The following SERGEF variants were observed in gnomAD, a reference collection of about 807,000 sequenced individuals.
The protein encoded by SERGEF is secretion regulating guanine nucleotide exchange factor, also known as secretion-regulating guanine nucleotide exchange factor.
A neutral mutation model predicts 50.0 loss-of-function variants in SERGEF; 51 were observed. The ratio of observed to expected loss-of-function variants is 1.02; its 90% CI spans 0.81 to 1.29. The LOEUF (loss-of-function observed/expected upper bound fraction) is 1.29. SERGEF is among the 50% of genes most tolerant of loss of function. SERGEF has a pLI of 0.00. For missense variants in SERGEF, 521 were observed against 557.0 expected (o/e 0.94, Z 0.65); for synonymous variants, 205 against 212.4 (o/e 0.97, Z 0.30).
At chr11:17,911,758 G>A (rs1014948013) in intron 9 of SERGEF, among the ~76,000 whole-genome samples, 2 of 152,078 alleles carry the variant, frequency 1.3e-5, no homozygotes, top group African/African-American at 4.8e-5. Flanking sequence ...AAAGTGCTGA[G>A]ATTATAGGCA....
rs139780261 is a variant in SERGEF at position 17,817,331 on chromosome 11, C to G, written c.1049-28918G>C. Among the ~76,000 whole-genome samples, 1,051 of 151,982 alleles carry G rather than the reference C, an allele frequency of 6.9e-3. 13 individuals carry two copies. Among genetic ancestry groups the G allele is most frequent in the African/African-American group, 0.024 (1,004 of 41,428 alleles). ...CCGGGTTCATGCCATTCTCCTGCCT[C>G]AGCCTCCCAAATAGCTGAGATTACA... On this transcript the variant is annotated intron_variant, in intron 10 of 10. Coordinates refer to ENST00000265965, the MANE Select transcript of SERGEF (RefSeq NM_012139.4).
intron 10 of SERGEF, among the ~76,000 whole-genome samples, chr11:17,798,671 ACTGT>A (rs1234567297): frequency 6.6e-6 from 1 of 152,174 alleles, no homozygotes; most frequent in Non-Finnish European, 1.5e-5. Flanking sequence ...CTCCCTACAG[ACTGT>A]CTTTCTGAAT....
At chr11:17,960,579 A>G (rs1177452547) in intron 8 of SERGEF, among the ~76,000 whole-genome samples, 1 of 152,250 alleles carries the variant, frequency 6.6e-6, no homozygotes, top group African/African-American at 2.4e-5. Context: ...CAAAACACAG[A>G]GCAGTGCATA....
chr11:17,816,604 G>T (rs987331562), intron 10 of SERGEF, among the ~76,000 whole-genome samples: 13 of 152,218 alleles, frequency 8.5e-5, no homozygotes, highest in Non-Finnish European at 1.6e-4. Flanking sequence ...CTGAAGTTTG[G>T]CACATAGGTA....
Position 17,995,884 on chromosome 11 carries a change from C to G in SERGEF, c.534G>C (p.Gly178=), listed in dbSNP as rs942281310. 2 of 1,613,538 alleles carry G rather than the reference C, an allele frequency of 1.2e-6. No individual in the cohort carries two copies. Among genetic ancestry groups the G allele is most frequent in the Non-Finnish European group, 8.5e-7 (1 of 1,179,700 alleles). The change falls in exon 6 of 11, where the codon GGG becomes GGC. Residue 178 remains glycine, a synonymous_variant. Transcript: ENST00000265965. ...ATASGIVFQW[G]TGLASCGRRL... is the part of the protein sequence containing the mutation. ...GTCGTCCACATGATGCCAAACCAGT[C>G]CCCCACTGGAACACGATGCCACTCG...
intron 10 of SERGEF, among the ~76,000 whole-genome samples, chr11:17,874,610 C>T (rs1851208652): frequency 6.6e-6 from 1 of 152,230 alleles, no homozygotes. Flanking sequence ...TTTCCATCTT[C>T]TCAAGAAACT....
chr11:17,986,889 G>T (rs1035297908), intron 8 of SERGEF, among the ~76,000 whole-genome samples: 1 of 152,118 alleles, frequency 6.6e-6, no homozygotes, highest in African/African-American at 2.4e-5. Flanking sequence ...TTTATCACAG[G>T]TCTATCACCC....
intron 10 of SERGEF, among the ~76,000 whole-genome samples, chr11:17,876,537 C>T (rs74923501): frequency 0.06 from 9,113 of 152,242 alleles, 903 homozygotes; most frequent in African/African-American, 0.21. Flanking sequence ...TCCTGAAAGG[C>T]GGAATGATTA....
intron 10 of SERGEF, chr11:17,846,462 T>TG (rs532241582): frequency 6.9e-5 from 23 of 335,702 alleles, no homozygotes; most frequent in African/African-American, 4.5e-4. Flanking sequence ...AAAGGGTCTG[T>TG]GTCCTGGGTC....
intron 10 of SERGEF, among the ~76,000 whole-genome samples, chr11:17,817,194 C>A (rs1360258344): frequency 6.6e-6 from 1 of 150,666 alleles, no homozygotes; most frequent in Admixed American, 6.7e-5. Context: ...GATACTATTA[C>A]TCTAAGCACT....
chr11:17,810,053 C>T (rs572458429), intron 10 of SERGEF, among the ~76,000 whole-genome samples: 1 of 152,230 alleles, frequency 6.6e-6, no homozygotes, highest in African/African-American at 2.4e-5. Context: ...CTTTCTTTGA[C>T]CCTAGTGTAT....
At chr11:17,978,045 C>T (rs1853414231) in intron 8 of SERGEF, among the ~76,000 whole-genome samples, 1 of 152,208 alleles carries the variant, frequency 6.6e-6, no homozygotes, top group African/African-American at 2.4e-5. Flanking sequence ...ATATCAAACA[C>T]AGCAGGATTC....
chr11:17,808,224 G>A (rs975894584), intron 10 of SERGEF, among the ~76,000 whole-genome samples: 1 of 152,208 alleles, frequency 6.6e-6, no homozygotes, highest in African/African-American at 2.4e-5. Flanking sequence ...TGCTTGTGTC[G>A]CTACAAAGAA....
chr11:17,995,804 C>T lies in SERGEF; in HGVS notation c.614G>A (p.Arg205Lys), dbSNP rs1456835762. The T allele has an allele frequency of 3.1e-6, 5 of 1,610,812 alleles. No individual in the cohort carries two copies. Among genetic ancestry groups the T allele is most frequent in the Admixed American group, 1.7e-5 (1 of 59,978 alleles). The change falls in exon 6 of 11, where the codon AGA becomes AAA. Residue 205 changes from arginine to lysine, a missense_variant. Arg to Lys is a conservative substitution (Grantham distance 26). Coordinates refer to ENST00000265965, the MANE Select transcript of SERGEF (RefSeq NM_012139.4). The part of the protein sequence containing the change: ...PLFFTAKEPS[R>K]VTGLENSKAM... ...AGAAAGAAGCATCTTACCTGTCACT[C>T]TGCTTGGTTCCTTTGCTGTGAAAAA... is the stretch of plus-strand genomic sequence containing the variant.
At chr11:17,823,082 T>G (rs892868961) in intron 10 of SERGEF, among the ~76,000 whole-genome samples, 1 of 152,228 alleles carries the variant, frequency 6.6e-6, no homozygotes, top group African/African-American at 2.4e-5. Context: ...TTAGCCATCA[T>G]GTCTCCTTAG....
chr11:17,861,613 C>T (rs997769572), intron 10 of SERGEF, among the ~76,000 whole-genome samples: 2 of 152,248 alleles, frequency 1.3e-5, no homozygotes, highest in Non-Finnish European at 2.9e-5. Context: ...AAGCAGTGAG[C>T]ACACATGAGG....
intron 10 of SERGEF, among the ~76,000 whole-genome samples, chr11:17,851,114 A>T (rs943108476): frequency 6.6e-6 from 1 of 152,192 alleles, no homozygotes; most frequent in Non-Finnish European, 1.5e-5. Flanking sequence ...AACTGTCACA[A>T]TTACTATGTA....
chr11:17,792,516 T>G (rs1364037229), intron 10 of SERGEF, among the ~76,000 whole-genome samples: 1 of 152,136 alleles, frequency 6.6e-6, no homozygotes, highest in Non-Finnish European at 1.5e-5. Flanking sequence ...GGGAACACAC[T>G]CTGAGGAAGC....
rs78931715 is a variant in SERGEF, at chr11:17,842,264, A to C, written c.1048+35944T>G. Among the ~76,000 whole-genome samples the C allele has an allele frequency of 0.019, 2,895 of 152,286 alleles. 188 individuals are homozygous for C. In the East Asian group the frequency reaches 0.23, roughly 12 times the overall value. ...CTATTCACTGAGTTTATTCCAAGCAATCATAACAGGTCCCTTTCTAATAGT... is the reference window on the plus strand; with the variant it reads ...CTATTCACTGAGTTTATTCCAAGCACTCATAACAGGTCCCTTTCTAATAGT... On this transcript the variant is annotated intron_variant, in intron 10 of 10. Transcript: ENST00000265965.
Sources: gnomAD v4.1 joint callset for allele counts (sites outside exome capture counted in the v4.1 genomes callset) on GRCh38, gnomAD v4.1.1 for gene constraint, MANE v1.5 for transcripts, NCBI Gene and HGNC (gene_info 2026-07-23, HGNC 2026-07-21) for gene names.